Variants in MYLK observed in about 807,000 individuals in gnomAD.
MYLK encodes myosin light chain kinase, smooth muscle.
Under a neutral mutation model 203.4 loss-of-function variants are expected in MYLK, and 106 were observed. The ratio of observed to expected loss-of-function variants is 0.52; its 90% CI spans 0.45 to 0.61. The LOEUF is 0.61. MYLK is among the 20% of genes least tolerant of loss of function. The probability of loss-of-function intolerance (pLI) is 0.00; values close to 1 mark genes in which losing one functional copy is unlikely to be tolerated. For missense variants in MYLK, 2,072 were observed against 2,442.3 expected, an observed-to-expected ratio of 0.85 and a Z score of 3.20; for synonymous variants, 867 against 959.5, an observed-to-expected ratio of 0.90 and a Z score of 1.78.
chr3:123,755,302 A>G (rs915585330), intron 4 of MYLK, among the ~76,000 whole-genome samples: 7 of 152,208 alleles, frequency 4.6e-5, no homozygotes, highest in Non-Finnish European at 7.3e-5. Context: ...TGGGGCATCA[A>G]TGATTAACTG....
At chr3:123,677,152 T>C (rs1435381324) in intron 20 of MYLK, among the ~76,000 whole-genome samples, 3 of 152,208 alleles carry the variant, frequency 2.0e-5, no homozygotes, top group African/African-American at 7.2e-5. Context: ...TGCTGTAGCT[T>C]TGGACTCCTT....
chr3:123,821,836 TG>T (rs1486904469), intron 3 of MYLK, among the ~76,000 whole-genome samples: 1 of 152,222 alleles, frequency 6.6e-6, no homozygotes, highest in Non-Finnish European at 1.5e-5. Context: ...ACTTCCAGTT[TG>T]TCCAACCCTG....
intron 2 of MYLK, among the ~76,000 whole-genome samples, chr3:123,843,613 G>A (rs895092506): frequency 3.3e-5 from 5 of 152,166 alleles, no homozygotes; most frequent in Non-Finnish European, 7.4e-5. Flanking sequence ...TCTGACACAG[G>A]TTTAAAAGAA....
intron 27 of MYLK, among the ~76,000 whole-genome samples, chr3:123,645,881 C>T (rs1337327782): frequency 5.3e-5 from 8 of 152,188 alleles, no homozygotes; most frequent in African/African-American, 9.7e-5. Context: ...CGGTGGCTCA[C>T]GCCTGTAATC....
At chr3:123,623,508 C>T (rs1302440151) in intron 31 of MYLK, 2 of 152,138 alleles carry the variant, frequency 1.3e-5, no homozygotes, top group East Asian at 3.9e-4. Flanking sequence ...GTCATCTATA[C>T]CCAGCCTAGC....
chr3:123,793,337 G>A (rs2064856427), intron 4 of MYLK, among the ~76,000 whole-genome samples: 1 of 152,140 alleles, frequency 6.6e-6, no homozygotes, highest in Non-Finnish European at 1.5e-5. Flanking sequence ...CCAGATTTGA[G>A]GACATATATA....
At chr3:123,775,992 T>G (rs534833523) in intron 4 of MYLK, among the ~76,000 whole-genome samples, 1 of 152,318 alleles carries the variant, frequency 6.6e-6, no homozygotes, top group African/African-American at 2.4e-5. Context: ...TCTCTGAGTC[T>G]GCTTGCTGTT....
intron 22 of MYLK, among the ~76,000 whole-genome samples, chr3:123,665,119 T>A (rs1046217028): frequency 2.0e-5 from 3 of 152,206 alleles, no homozygotes; most frequent in Admixed American, 1.3e-4. Flanking sequence ...TTTTATGGCA[T>A]ATGAATTATA....
At chr3:123,764,244 C>A (rs987900346) in intron 4 of MYLK, among the ~76,000 whole-genome samples, 1 of 152,174 alleles carries the variant, frequency 6.6e-6, no homozygotes, top group African/African-American at 2.4e-5. Flanking sequence ...TGTTCCATAA[C>A]AGAGGATTCC....
intron 29 of MYLK, among the ~76,000 whole-genome samples, chr3:123,634,489 C>A (rs1207327543): frequency 1.3e-5 from 2 of 152,222 alleles, no homozygotes; most frequent in Non-Finnish European, 2.9e-5. Flanking sequence ...ACCTCTCCTC[C>A]CTCCTGGCAT....
At chr3:123,882,392 C>A (rs980470695) in intron 1 of MYLK, among the ~76,000 whole-genome samples, 2 of 152,018 alleles carry the variant, frequency 1.3e-5, no homozygotes, top group Non-Finnish European at 2.9e-5. Context: ...CCAGCCTGGG[C>A]AACAGAGCCA....
chr3:123,841,533 C>T (rs1033010704), intron 2 of MYLK, among the ~76,000 whole-genome samples: 4 of 152,062 alleles, frequency 2.6e-5, no homozygotes, highest in Non-Finnish European at 4.4e-5. Context: ...TCATTAATAC[C>T]TTCAACCACT....
intron 4 of MYLK, among the ~76,000 whole-genome samples, chr3:123,784,097 C>T (rs2064407547): frequency 6.6e-6 from 1 of 152,284 alleles, no homozygotes. Context: ...AAGCAAGGTC[C>T]TCACTGGCAA....
chr3:123,879,667 C>T (rs1315026006), intron 1 of MYLK, among the ~76,000 whole-genome samples: 2 of 152,164 alleles, frequency 1.3e-5, no homozygotes, highest in Admixed American at 6.6e-5. Flanking sequence ...CGGGGTCTCA[C>T]ACTGTCGCCT....
In MYLK at chr3:123,626,887, G is replaced by A; in HGVS notation, c.5169C>T (p.Thr1723=). 6.2e-7 allele frequency: 1 copy of A among 1,614,166 alleles called. No individual in the cohort carries two copies. The highest frequency in any genetic ancestry group is 8.5e-7 in the Non-Finnish European group (1 of 1,180,036). The change falls in exon 31 of 34, where the codon ACC becomes ACT. Residue 1723 remains threonine, a synonymous_variant. Coordinates refer to ENST00000360304, the MANE Select transcript of MYLK (RefSeq NM_053025.4). ...AGAGTTTCTTGGCCTCCATGTTCTT[G>A]GTATCTTTCATTAGCCATGGATGCT... is the stretch of plus-strand genomic sequence containing the variant. ...CLQHPWLMKD[T]KNMEAKKLSK...
intron 4 of MYLK, among the ~76,000 whole-genome samples, chr3:123,776,996 A>G (rs1009011385): frequency 6.6e-6 from 1 of 152,202 alleles, no homozygotes; most frequent in Non-Finnish European, 1.5e-5. Context: ...AATAATAAAG[A>G]CCGAGAGCAA....
chr3:123,724,906 G>T (rs1400472641), intron 12 of MYLK, among the ~76,000 whole-genome samples: 1 of 151,828 alleles, frequency 6.6e-6, no homozygotes, highest in Non-Finnish European at 1.5e-5. Context: ...ACCATGTTCG[G>T]CTAAGTTTTG....
At chr3:123,637,787 C>T (rs111639173) in intron 29 of MYLK, among the ~76,000 whole-genome samples, 7 of 152,192 alleles carry the variant, frequency 4.6e-5, no homozygotes, top group South Asian at 2.1e-4. Flanking sequence ...TGACCAAAGG[C>T]CCCAGGCTGG....
intron 28 of MYLK, among the ~76,000 whole-genome samples, chr3:123,639,894 A>G (rs1389944532): frequency 6.6e-6 from 1 of 152,230 alleles, no homozygotes; most frequent in Non-Finnish European, 1.5e-5. Context: ...AGTATGATGC[A>G]GATGTGCAGA....
Sources: gnomAD v4.1 joint callset for allele counts (sites outside exome capture counted in the v4.1 genomes callset) on GRCh38, gnomAD v4.1.1 for gene constraint, MANE v1.5 for transcripts, NCBI Gene and HGNC (gene_info 2026-07-23, HGNC 2026-07-21) for gene names.